Variants in CELF5 observed in about 807,000 individuals in gnomAD.
CELF5 encodes the protein CUG-BP and ETR-3 like factor 5.
A neutral mutation model predicts 54.9 loss-of-function variants in CELF5; 6 were observed. The ratio of observed to expected loss-of-function variants is 0.11; its 90% CI spans 0.06 to 0.22. The LOEUF is 0.22. Among genes scored for constraint, CELF5 ranks in the 10% least tolerant of loss-of-function variants. The probability of loss-of-function intolerance (pLI) is 1.00; values close to 1 mark genes in which losing one functional copy is unlikely to be tolerated. For missense variants in CELF5, 401 were observed against 678.6 expected, an observed-to-expected ratio of 0.59 and a Z score of 4.54; for synonymous variants, 271 against 290.9, an observed-to-expected ratio of 0.93 and a Z score of 0.70.
At chr19:3,260,644 A>T (rs1473411981) in intron 2 of CELF5, among the ~76,000 whole-genome samples, 4 of 132,006 alleles carry the variant, frequency 3.0e-5, no homozygotes, top group African/African-American at 1.2e-4. Context: ...TTTTTTTGAG[A>T]CAGAGTCTCA....
At chr19:3,295,351 A>G (rs1269749529) in intron 12 of CELF5, 1 of 150,172 alleles carries the variant, frequency 6.7e-6, no homozygotes, top group Non-Finnish European at 1.5e-5. Flanking sequence ...ACCTTTTCCT[A>G]TATATATATA....
At chr19:3,227,530 G>C (rs1478170713) in intron 1 of CELF5, among the ~76,000 whole-genome samples, 1 of 152,058 alleles carries the variant, frequency 6.6e-6, no homozygotes, top group East Asian at 1.9e-4. Context: ...CATGAGACTG[G>C]GCACAGGAGA....
At chr19:3,248,181 G>A (rs1286620376) in intron 1 of CELF5, among the ~76,000 whole-genome samples, 3 of 151,190 alleles carry the variant, frequency 2.0e-5, no homozygotes, top group Admixed American at 2.0e-4. Context: ...TTAGAGACAG[G>A]GTCTCACTCT....
chr19:3,284,609 C>T (rs1378193301), intron 8 of CELF5, among the ~76,000 whole-genome samples: 1 of 152,066 alleles, frequency 6.6e-6, no homozygotes, highest in Non-Finnish European at 1.5e-5. Flanking sequence ...GAAGGGTCCC[C>T]CTTGGGAGGC....
Position 3,268,072 on chromosome 19 carries a change from C to T in CELF5, c.343-5800C>T, listed in dbSNP as rs1245663945. Among the ~76,000 whole-genome samples the T allele has an allele frequency of 1.3e-5, 2 of 152,148 alleles. No individual in the cohort carries two copies. Among genetic ancestry groups the T allele is most frequent in the African/African-American group, 4.8e-5 (2 of 41,422 alleles). On this transcript the variant is annotated intron_variant, in intron 2 of 12. Transcript: ENST00000292672. The surrounding 1 kb of genome is among the most constrained non-coding windows in gnomAD (Gnocchi z 4.4). ...GGAGTGCAGTGATTTGATCTCAGCT[C>T]ACTGCAACCTCGGCCTCCTGGGTTC...
chr19:3,228,384 C>T lies in CELF5; in HGVS notation c.259+3386C>T, dbSNP rs1048619268. On this transcript the variant is annotated intron_variant, in intron 1 of 12. Transcript: ENST00000292672. The surrounding 1 kb of genome is among the most constrained non-coding windows in gnomAD (Gnocchi z 6.0). ...ATTGGGGCTCCCGCTGGCCCCCCTG[C>T]AGTTCCTGCCCCGGGGACCCTCCCT... 6.6e-6 allele frequency among the ~76,000 whole-genome samples: 1 copy of T among 152,182 alleles called. No homozygotes were observed. The highest frequency in any genetic ancestry group is 1.5e-5 in the Non-Finnish European group (1 of 68,004).
chr19:3,275,448 A>T lies in CELF5; in HGVS notation c.395-408A>T, dbSNP rs1378226043. On this transcript the variant is annotated intron_variant, in intron 3 of 12. Transcript: ENST00000292672. This position sits in a 1 kb window ranked among gnomAD's most constrained non-coding sequence, Gnocchi z 6.7. Reference sequence around the variant, plus strand: ...TGGCAGGTCCGGGGAGCAGACAGAAAGACAGACAGACAGACAGACAGGGAC... The same window carrying T: ...TGGCAGGTCCGGGGAGCAGACAGAATGACAGACAGACAGACAGACAGGGAC... 6.6e-6 allele frequency among the ~76,000 whole-genome samples: 1 copy of T among 151,936 alleles called. No individual in the cohort carries two copies. The highest frequency in any genetic ancestry group is 1.5e-5 in the Non-Finnish European group (1 of 67,946).
At position 3,293,492 on chromosome 19, in the gene CELF5, C is replaced by A; in HGVS notation, c.*40+6C>A. On this transcript the variant is annotated splice_donor_region_variant and intron_variant, in intron 12 of 12. Coordinates refer to ENST00000292672, the MANE Select transcript of CELF5 (RefSeq NM_021938.4). ...AGGCTGTAGGCATGGCCCAGGTGAG[C>A]CGCCAGGCGGCCCCACCCCCGCCCA... 1 of 1,598,892 alleles carries A rather than the reference C, an allele frequency of 6.3e-7. No homozygotes were observed. The highest frequency in any genetic ancestry group is 8.5e-7 in the Non-Finnish European group (1 of 1,171,228).
At chr19:3,243,141 A>G (rs1361591116) in intron 1 of CELF5, among the ~76,000 whole-genome samples, 1 of 152,022 alleles carries the variant, frequency 6.6e-6, no homozygotes, top group African/African-American at 2.4e-5. Flanking sequence ...ATAGAGTATA[A>G]GCTTATTCTT....
At chr19:3,264,367 TTA>T (rs904174670) in intron 2 of CELF5, among the ~76,000 whole-genome samples, 5 of 152,000 alleles carry the variant, frequency 3.3e-5, no homozygotes, top group Admixed American at 2.0e-4. Flanking sequence ...CTGTCATCTT[TTA>T]TGTGTGCCTT....
chr19:3,240,464 A>T (rs908434721), intron 1 of CELF5, among the ~76,000 whole-genome samples: 2 of 151,632 alleles, frequency 1.3e-5, no homozygotes, highest in African/African-American at 2.4e-5. Flanking sequence ...CGTAGCTGGG[A>T]CTACAAGCAT....
At chr19:3,253,307 G>A (rs993045682) in intron 2 of CELF5, among the ~76,000 whole-genome samples, 12 of 152,072 alleles carry the variant, frequency 7.9e-5, no homozygotes, top group African/African-American at 2.9e-4. Context: ...CAGCTACCAG[G>A]GGTCAGGAAT....
intron 2 of CELF5, among the ~76,000 whole-genome samples, chr19:3,260,946 G>A (rs1180954103): frequency 6.6e-6 from 1 of 150,866 alleles, no homozygotes; most frequent in African/African-American, 2.4e-5. Flanking sequence ...TAATTTTTTT[G>A]TAGAGATAAG....
chr19:3,277,225 C>T (rs1048633631), intron 4 of CELF5, among the ~76,000 whole-genome samples: 11 of 152,200 alleles, frequency 7.2e-5, no homozygotes, highest in African/African-American at 2.7e-4. Flanking sequence ...CCTGTAATCC[C>T]AGCACTTTGG....
chr19:3,279,954 T>C (rs1037982440), intron 5 of CELF5, among the ~76,000 whole-genome samples: 8 of 152,076 alleles, frequency 5.3e-5, no homozygotes, highest in Non-Finnish European at 7.4e-5. Context: ...CTGCCCACCT[T>C]GGCCTCCCAA....
chr19:3,226,505 C>T (rs1001840528), intron 1 of CELF5, among the ~76,000 whole-genome samples: 2 of 142,926 alleles, frequency 1.4e-5, no homozygotes, highest in African/African-American at 5.3e-5. Flanking sequence ...CTAACTCCTC[C>T]ATGTGGCCTA....
At chr19:3,280,628 G>A (rs556407384) in intron 5 of CELF5, among the ~76,000 whole-genome samples, 25 of 152,230 alleles carry the variant, frequency 1.6e-4, no homozygotes, top group African/African-American at 5.5e-4. Flanking sequence ...TCCAGGGCAT[G>A]GAGGACAGAG....
intron 12 of CELF5, 73 bp downstream of exon 12, chr19:3,293,559 C>A: frequency 7.7e-7 from 1 of 1,294,764 alleles, no homozygotes; most frequent in Non-Finnish European, 1.1e-6. Flanking sequence ...CGGCCCACTT[C>A]ATGCTCCAAA....
At chr19:3,242,119 G>GCCGTAGAA (rs993762442) in intron 1 of CELF5, among the ~76,000 whole-genome samples, 1 of 152,194 alleles carries the variant, frequency 6.6e-6, no homozygotes, top group Non-Finnish European at 1.5e-5. Context: ...AGCAGGTACG[G>GCCGTAGAA]CAAGAGGCTG....
Sources: gnomAD v4.1 joint callset for allele counts (sites outside exome capture counted in the v4.1 genomes callset) on GRCh38, gnomAD v4.1.1 for gene constraint, Gnocchi (gnomAD v3.1) non-coding constraint, MANE v1.5 for transcripts, NCBI Gene and HGNC (gene_info 2026-07-23, HGNC 2026-07-21) for gene names.